Variants in ZNF112 observed in about 807,000 individuals in gnomAD.
The protein encoded by ZNF112 is zinc finger protein 112, also known as zinc finger protein 112 (Y14).
A neutral mutation model predicts 77.7 loss-of-function variants in ZNF112; 37 were observed. The ratio of observed to expected loss-of-function variants is 0.48; its 90% confidence interval spans 0.37 to 0.63. ZNF112 has a LOEUF of 0.63. Ranked by LOEUF, ZNF112 falls within the 20% of genes least tolerant of loss-of-function variation. The probability of loss-of-function intolerance (pLI) is 0.00; values close to 1 mark genes in which losing one functional copy is unlikely to be tolerated. For missense variants in ZNF112, 950 were observed against 1,077.4 expected (o/e 0.88, Z 1.66); for synonymous variants, 333 against 363.6 (o/e 0.92, Z 0.96).
intron 1 of ZNF112, among the ~76,000 whole-genome samples, chr19:44,365,460 A>T (rs1970894270): frequency 2.1e-5 from 2 of 96,354 alleles, no homozygotes; most frequent in Admixed American, 2.2e-4. Context: ...ACCCTCTCTC[A>T]AAAAAAATTA....
chr19:44,358,807 T>C (rs1482932430), upstream of ZNF112, among the ~76,000 whole-genome samples: 1 of 152,122 alleles, frequency 6.6e-6, no homozygotes, highest in Non-Finnish European at 1.5e-5. Context: ...AACCCACCAT[T>C]CTTCACTCTG....
intron 1 of ZNF112, among the ~76,000 whole-genome samples, chr19:44,343,754 T>C (rs1386928605): frequency 6.6e-6 from 1 of 152,232 alleles, no homozygotes; most frequent in African/African-American, 2.4e-5. Context: ...CAATATATGA[T>C]TGTTATTAGG....
chr19:44,347,629 TTAC>T (rs1970619764), intron 1 of ZNF112, among the ~76,000 whole-genome samples: 1 of 151,834 alleles, frequency 6.6e-6, no homozygotes, highest in South Asian at 2.1e-4. Context: ...CATTACTGTT[TTAC>T]TACTTTTTGT....
At chr19:44,350,480 T>C (rs371484233) in intron 1 of ZNF112, among the ~76,000 whole-genome samples, 6 of 152,200 alleles carry the variant, frequency 3.9e-5, no homozygotes, top group South Asian at 2.1e-4. Context: ...CTGAATGACA[T>C]TGGAAATTAG....
chr19:44,329,964 G>A lies in ZNF112; in HGVS notation c.221-28C>T, dbSNP rs113837182. 28 of 1,534,966 alleles carry A rather than the reference G, an allele frequency of 1.8e-5. No homozygotes were observed. In the Middle Eastern group the frequency reaches 8.8e-4, roughly 48 times the overall value. Reference sequence around the variant, plus strand: ...ATAAGGATAAAGAGAATTCAGATGTGCACGAGTGAATGCTTTATTCAAGAG... The same window carrying A: ...ATAAGGATAAAGAGAATTCAGATGTACACGAGTGAATGCTTTATTCAAGAG... On this transcript the variant is annotated intron_variant, in intron 3 of 3. Coordinates refer to ENST00000354340, the MANE Select transcript of ZNF112 (RefSeq NM_013380.4).
At chr19:44,359,315 CTTTTTTTTTTTTTTTTTTTT>C (rs767955186), upstream of ZNF112, among the ~76,000 whole-genome samples, 1 of 54,834 alleles carries the variant, frequency 1.8e-5, no homozygotes, top group South Asian at 8.3e-4. Context: ...TATTAGAGTT[CTTTTTTTTTTTTTTTTTTTT>C]TTTTTTTTTT....
intron 1 of ZNF112, among the ~76,000 whole-genome samples, chr19:44,351,294 T>TA (rs1970687503): frequency 6.6e-6 from 1 of 152,110 alleles, no homozygotes; most frequent in African/African-American, 2.4e-5. Flanking sequence ...AAATATCTCA[T>TA]ACCATGTGAA....
At chr19:44,333,460 C>T (rs996218301) in intron 3 of ZNF112, among the ~76,000 whole-genome samples, 2 of 152,144 alleles carry the variant, frequency 1.3e-5, no homozygotes, top group African/African-American at 4.8e-5. Context: ...TTTCGCTCTG[C>T]GTCCCCACCC....
In ZNF112 at chr19:44,329,952, G is replaced by C. The variant is rs533891488; in HGVS notation, c.221-16C>G. 18 of 1,578,492 alleles carry C rather than the reference G, an allele frequency of 1.1e-5. No homozygotes were observed. The highest frequency in any genetic ancestry group is 1.6e-5 in the Non-Finnish European group (18 of 1,156,964). ...TTCTTCCTTCCTATAAGGATAAAGAGAATTCAGATGTGCACGAGTGAATGC... is the reference window on the plus strand; with the variant it reads ...TTCTTCCTTCCTATAAGGATAAAGACAATTCAGATGTGCACGAGTGAATGC... On this transcript the variant is annotated splice_polypyrimidine_tract_variant and intron_variant, in intron 3 of 3. Transcript: ENST00000354340.
rs771544057 is a variant in ZNF112, at chr19:44,329,792, C to A, written c.365G>T (p.Gly122Val). The A allele has an allele frequency of 1.2e-5, 20 of 1,613,804 alleles. No homozygotes were observed. Among genetic ancestry groups the A allele is most frequent in the East Asian group, 2.2e-5 (1 of 44,880 alleles). ...TTGTTCTTGCAACTGAGAATTCTTC[C>A]CTTGAAAAACTTTCAGGAAATCTTG... Reference protein sequence around the residue: ...RCQDFLKVFQGKNSQLQEQGN... With the variant: ...RCQDFLKVFQVKNSQLQEQGN... Residue 122 changes from glycine to valine, a missense_variant, in exon 4 of 4, where the codon GGG (glycine) becomes GTG (valine). Gly to Val is a moderately radical substitution (Grantham distance 109). Around this residue, in one of 3 missense-constraint regions of ZNF112, gnomAD observed 560 missense variants for 557.3 expected, o/e 1.00. Transcript: ENST00000354340.
In ZNF112 at chr19:44,329,623, C is replaced by T. The variant is rs764575991; in HGVS notation, c.534G>A (p.Arg178=). ...YPSWRAHHSW[R]KMYLKESHNY... ...TATGTGACTCTTTCAGATACATTTT[C>T]CTCCAAGAATGATGTGCCCTCCAAG... The change falls in exon 4 of 4, where the codon AGG becomes AGA. Residue 178 remains arginine (R), a synonymous_variant. Transcript: ENST00000354340. 1 of 1,613,976 alleles carries T rather than the reference C, an allele frequency of 6.2e-7. No individual in the cohort carries two copies. The highest frequency in any genetic ancestry group is 8.5e-7 in the Non-Finnish European group (1 of 1,180,016).
At chr19:44,365,973 C>A (rs903732527) in intron 1 of ZNF112, among the ~76,000 whole-genome samples, 4 of 152,130 alleles carry the variant, frequency 2.6e-5, no homozygotes, top group African/African-American at 9.7e-5. Flanking sequence ...TTACACGTGA[C>A]CAGAGCCTTC....
chr19:44,352,768 T>C (rs7252980), intron 1 of ZNF112, among the ~76,000 whole-genome samples: 320 of 152,176 alleles, frequency 2.1e-3, no homozygotes, highest in African/African-American at 7.4e-3. Flanking sequence ...ATAAATTATA[T>C]ATTATACTCG....
intron 1 of ZNF112, chr19:44,341,180 G>A (rs1356460332): frequency 2.2e-6 from 1 of 456,700 alleles, no homozygotes; most frequent in Non-Finnish European, 4.4e-6. Context: ...CACACAGTAA[G>A]TACCCAACAA....
intron 1 of ZNF112, among the ~76,000 whole-genome samples, chr19:44,350,686 C>T (rs1267465355): frequency 6.6e-6 from 1 of 152,022 alleles, no homozygotes; most frequent in African/African-American, 2.4e-5. Flanking sequence ...TCTCAATTCC[C>T]ACACAAATTT....
chr19:44,362,761 T>C (rs1450138136), intron 1 of ZNF112, among the ~76,000 whole-genome samples: 1 of 152,112 alleles, frequency 6.6e-6, no homozygotes, highest in African/African-American at 2.4e-5. Context: ...GAAACAGATA[T>C]TATTTATTTG....
intron 1 of ZNF112, among the ~76,000 whole-genome samples, chr19:44,351,457 A>AT (rs1422829115): frequency 6.6e-6 from 1 of 152,116 alleles, no homozygotes; most frequent in Non-Finnish European, 1.5e-5. Context: ...TGTTTAAAAA[A>AT]TTTCTTTTCA....
At chr19:44,357,324 C>T (rs1048331927), upstream of ZNF112, among the ~76,000 whole-genome samples, 1 of 151,710 alleles carries the variant, frequency 6.6e-6, no homozygotes, top group African/African-American at 2.4e-5. Context: ...GCTTGCAATA[C>T]AGGAAGAAAA....
upstream of ZNF112, among the ~76,000 whole-genome samples, chr19:44,359,828 A>G (rs936495369): frequency 1.3e-5 from 2 of 152,224 alleles, no homozygotes; most frequent in Non-Finnish European, 2.9e-5. Context: ...ATTCTACCAA[A>G]TATTTAAAGA....
Sources: allele counts gnomAD v4.1 joint callset (sites outside exome capture counted in the v4.1 genomes callset), GRCh38; gene constraint gnomAD v4.1.1; regional missense constraint gnomAD v4.1.1; transcripts MANE v1.5; gene names NCBI Gene and HGNC (gene_info 2026-07-23, HGNC 2026-07-21).